ROBO1: variants seen among roughly 807,000 people sequenced by gnomAD.
The protein encoded by ROBO1 is roundabout guidance receptor 1, also known as roundabout homolog 1.
A neutral mutation model predicts 195.9 loss-of-function variants in ROBO1; 149 were observed. That is an observed-to-expected ratio of 0.76 (90% CI 0.67 to 0.87). The LOEUF is 0.87. Among genes scored for constraint, ROBO1 ranks in the 40% least tolerant of loss-of-function variants. ROBO1 has a pLI of 0.00. For missense variants in ROBO1, 1,933 were observed against 2,068.3 expected (o/e 0.93, Z 1.27); for synonymous variants, 816 against 733.2 (o/e 1.11, Z -1.82).
intron 2 of ROBO1, among the ~76,000 whole-genome samples, chr3:79,410,707 G>T (rs982402208): frequency 6.6e-6 from 1 of 151,868 alleles, no homozygotes; most frequent in Non-Finnish European, 1.5e-5. Flanking sequence ...GGAAAGAAAG[G>T]AAAGAAGAAG....
intron 3 of ROBO1, among the ~76,000 whole-genome samples, chr3:78,983,569 C>T (rs1489991069): frequency 6.6e-6 from 1 of 152,126 alleles, no homozygotes; most frequent in Non-Finnish European, 1.5e-5. Flanking sequence ...AAAGGTAGAA[C>T]AATCTAACAA....
intron 29 of ROBO1, among the ~76,000 whole-genome samples, chr3:78,604,373 T>G (rs1205928218): frequency 6.6e-6 from 1 of 152,146 alleles, no homozygotes; most frequent in Non-Finnish European, 1.5e-5. Flanking sequence ...CCAGCCAACT[T>G]TTAATGAAGC....
chr3:79,655,753 T>C (rs1344361524), intron 1 of ROBO1, among the ~76,000 whole-genome samples: 1 of 152,090 alleles, frequency 6.6e-6, no homozygotes, highest in African/African-American at 2.4e-5. Context: ...CAAGGGAGTA[T>C]GTCTCAAAAA....
chr3:79,597,759 A>T (rs1387932845), intron 1 of ROBO1, among the ~76,000 whole-genome samples: 2 of 152,114 alleles, frequency 1.3e-5, no homozygotes, highest in South Asian at 2.1e-4. Context: ...GTTGGAAAAT[A>T]AGTTTAAAAT....
Position 79,329,044 on chromosome 3 carries a change from GT to G in ROBO1, c.89-203506del, listed in dbSNP as rs1405014131. Among the ~76,000 whole-genome samples, 15 of 152,242 alleles carry G rather than the reference GT, an allele frequency of 9.9e-5. No individual in the cohort carries two copies. In the South Asian group the frequency reaches 2.5e-3, roughly 25 times the overall value. Reference sequence around the variant, plus strand: ...TTTGTGAGAATCTGCTCTTCAACAGGTAATTTTACAGATTTTGGAGGCACTA... The same window carrying G: ...TTTGTGAGAATCTGCTCTTCAACAGGAATTTTACAGATTTTGGAGGCACTA... On this transcript the variant is annotated intron_variant, in intron 2 of 30. Transcript: ENST00000464233.
At chr3:79,366,898 G>A (rs959400954) in intron 2 of ROBO1, among the ~76,000 whole-genome samples, 4 of 152,038 alleles carry the variant, frequency 2.6e-5, no homozygotes, top group African/African-American at 9.7e-5. Flanking sequence ...TAGAAACAGG[G>A]GGAAGCTCTT....
intron 1 of ROBO1, among the ~76,000 whole-genome samples, chr3:79,627,675 C>T (rs1295754204): frequency 2.6e-5 from 4 of 152,106 alleles, no homozygotes; most frequent in African/African-American, 9.7e-5. Context: ...TAAAACACTT[C>T]TGCACAGCAA....
intron 4 of ROBO1, among the ~76,000 whole-genome samples, chr3:78,831,718 T>G (rs944250294): frequency 1.1e-4 from 17 of 152,188 alleles, no homozygotes; most frequent in African/African-American, 3.9e-4. Flanking sequence ...AGGAAAGAGT[T>G]TTAATTGACT....
chr3:78,687,153 ATAACT>A (rs72345509), intron 9 of ROBO1, among the ~76,000 whole-genome samples: 38,509 of 151,884 alleles, frequency 0.25, 5,004 homozygotes, highest in African/African-American at 0.32. Flanking sequence ...TAATGTTTAA[ATAACT>A]TAAATGAATC....
chr3:79,453,392 A>G (rs79871734), intron 2 of ROBO1, among the ~76,000 whole-genome samples: 4,120 of 152,192 alleles, frequency 0.027, 208 homozygotes, highest in African/African-American at 0.094. Flanking sequence ...TGCTTGTCAA[A>G]CAGTGGCTTT....
In ROBO1 at chr3:79,014,861, A is replaced by G. The variant is rs2108234630; in HGVS notation, c.173-75934T>C. 2.0e-5 allele frequency among the ~76,000 whole-genome samples: 3 copies of G among 152,346 alleles called. No homozygotes were observed. In the South Asian group the frequency reaches 6.2e-4, roughly 32 times the overall value. Reference sequence around the variant, plus strand: ...ACCTTAACATCTTTTATTAACACAGATGATAATAAATAAAGATTCAACCAC... The same window carrying G: ...ACCTTAACATCTTTTATTAACACAGGTGATAATAAATAAAGATTCAACCAC... On this transcript the variant is annotated intron_variant, in intron 3 of 30. Transcript: ENST00000464233.
intron 3 of ROBO1, among the ~76,000 whole-genome samples, chr3:79,085,555 C>A (rs2079352168): frequency 6.6e-6 from 1 of 152,110 alleles, no homozygotes; most frequent in African/African-American, 2.4e-5. Flanking sequence ...AATGAGAGAA[C>A]AGGGAGGAGC....
intron 2 of ROBO1, among the ~76,000 whole-genome samples, chr3:79,557,597 G>A (rs1942748166): frequency 6.6e-6 from 1 of 151,502 alleles, no homozygotes; most frequent in Admixed American, 6.6e-5. Context: ...AGCCAGGTTT[G>A]GTAGTAAACG....
intron 1 of ROBO1, among the ~76,000 whole-genome samples, chr3:79,753,686 A>G (rs1055903603): frequency 1.3e-5 from 2 of 152,212 alleles, no homozygotes; most frequent in Non-Finnish European, 2.9e-5. Context: ...GAATCCACCA[A>G]ATCCTAACAG....
At chr3:79,393,852 A>G (rs2037042341) in intron 2 of ROBO1, among the ~76,000 whole-genome samples, 1 of 152,224 alleles carries the variant, frequency 6.6e-6, no homozygotes, top group South Asian at 2.1e-4. Context: ...TTTCAAATTT[A>G]GTAGGCAGGG....
chr3:78,712,301 C>T (rs112485644), intron 8 of ROBO1, among the ~76,000 whole-genome samples: 1,763 of 152,174 alleles, frequency 0.012, 13 homozygotes, highest in Non-Finnish European at 0.017. Flanking sequence ...ACACAAAACA[C>T]GGAAAGTTTT....
chr3:79,222,819 G>T (rs1205143430), intron 2 of ROBO1, among the ~76,000 whole-genome samples: 1 of 151,988 alleles, frequency 6.6e-6, no homozygotes, highest in Non-Finnish European at 1.5e-5. Context: ...ATATATTCGG[G>T]ATAATTACTT....
chr3:79,439,189 C>T (rs1029048341), intron 2 of ROBO1, among the ~76,000 whole-genome samples: 6 of 151,974 alleles, frequency 3.9e-5, no homozygotes, highest in African/African-American at 1.4e-4. Context: ...TATATGTCTA[C>T]AATGCTTATA....
chr3:79,057,528 T>C (rs1207174238), intron 3 of ROBO1, among the ~76,000 whole-genome samples: 1 of 152,068 alleles, frequency 6.6e-6, no homozygotes, highest in Non-Finnish European at 1.5e-5. Flanking sequence ...TCCTCCCTGA[T>C]GGCAATGAAG....
Sources: gnomAD v4.1 joint callset for allele counts (sites outside exome capture counted in the v4.1 genomes callset) on GRCh38, gnomAD v4.1.1 for gene constraint, MANE v1.5 for transcripts, NCBI Gene and HGNC (gene_info 2026-07-23, HGNC 2026-07-21) for gene names.